GFOD2: variants seen among roughly 807,000 people sequenced by gnomAD.
The protein encoded by GFOD2 is Gfo/Idh/MocA-like oxidoreductase domain containing 2.
Under a neutral mutation model 24.6 loss-of-function variants are expected in GFOD2, and 9 were observed. That is an observed-to-expected ratio of 0.37 (90% CI 0.22 to 0.64). The LOEUF is 0.64. Among genes scored for constraint, GFOD2 ranks in the 30% least tolerant of loss-of-function variants. The probability of loss-of-function intolerance (pLI) is 0.65; values close to 1 mark genes in which losing one functional copy is unlikely to be tolerated. For synonymous variants in GFOD2, 211 were observed against 224.8 expected (o/e 0.94, Z 0.55); for missense variants, 476 against 532.5 (o/e 0.89, Z 1.04).
At chr16:67,683,794 T>G (rs1026431395) in intron 2 of GFOD2, 2 of 1,226,044 alleles carry the variant, frequency 1.6e-6, no homozygotes, top group Admixed American at 4.3e-5. Context: ...TCAGGAAGAG[T>G]GGAGGACAAC....
At chr16:67,692,154 G>T (rs577056707) in intron 1 of GFOD2, among the ~76,000 whole-genome samples, 3 of 151,510 alleles carry the variant, frequency 2.0e-5, no homozygotes, top group Non-Finnish European at 4.4e-5. Context: ...GTAAAGTGTG[G>T]GGGATATACC....
At chr16:67,691,172 A>T (rs1173783901) in intron 1 of GFOD2, among the ~76,000 whole-genome samples, 1 of 150,978 alleles carries the variant, frequency 6.6e-6, no homozygotes, top group Non-Finnish European at 1.5e-5. Context: ...CCTACCAATT[A>T]CCTTTAAAAA....
intron 1 of GFOD2, among the ~76,000 whole-genome samples, chr16:67,694,413 G>A (rs1189883026): frequency 2.6e-5 from 4 of 152,064 alleles, no homozygotes; most frequent in African/African-American, 9.7e-5. Context: ...CCAAGGTGGT[G>A]GGATTATAAG....
intron 1 of GFOD2, among the ~76,000 whole-genome samples, chr16:67,705,396 C>G (rs970324447): frequency 7.9e-5 from 12 of 152,216 alleles, no homozygotes; most frequent in African/African-American, 2.4e-4. Context: ...TCAGTAGAGA[C>G]AGGGTTTTGC....
intron 1 of GFOD2, among the ~76,000 whole-genome samples, chr16:67,697,996 T>G (rs910684681): frequency 2.6e-5 from 4 of 152,196 alleles, no homozygotes; most frequent in Admixed American, 2.6e-4. Context: ...CTTCCCTACC[T>G]GATCCTCTCT....
Position 67,675,112 on chromosome 16 carries a change from T to A in GFOD2, c.*43A>T, listed in dbSNP as rs558969157. On this transcript the variant is annotated 3_prime_UTR_variant, in exon 3 of 3. Coordinates refer to ENST00000268797, the MANE Select transcript of GFOD2 (RefSeq NM_030819.4). ...CTGTCATGTCTGGCTCCTGTTCCCCTCCCTGGTCCCTCTGCCCTGTGGCAA... is the reference window on the plus strand; with the variant it reads ...CTGTCATGTCTGGCTCCTGTTCCCCACCCTGGTCCCTCTGCCCTGTGGCAA... The A allele has an allele frequency of 9.9e-5, 155 of 1,564,452 alleles. 4 individuals are homozygous for A. In the South Asian group the frequency reaches 1.8e-3, roughly 18 times the overall value.
At chr16:67,694,252 C>T (rs2053340476) in intron 1 of GFOD2, among the ~76,000 whole-genome samples, 1 of 152,146 alleles carries the variant, frequency 6.6e-6, no homozygotes, top group Non-Finnish European at 1.5e-5. Context: ...TCGCCTGGGC[C>T]TCCAGAAGTG....
At chr16:67,691,935 C>T (rs1367549168) in intron 1 of GFOD2, among the ~76,000 whole-genome samples, 1 of 152,096 alleles carries the variant, frequency 6.6e-6, no homozygotes, top group Non-Finnish European at 1.5e-5. Context: ...GATACAGAAT[C>T]GTACAGCTGT....
At chr16:67,706,535 T>G (rs1271689758) in intron 1 of GFOD2, among the ~76,000 whole-genome samples, 3 of 152,176 alleles carry the variant, frequency 2.0e-5, no homozygotes, top group African/African-American at 7.2e-5. Flanking sequence ...TCTCTCTCAC[T>G]GTTATATGCA....
chr16:67,709,105 C>G (rs778565777), intron 1 of GFOD2, among the ~76,000 whole-genome samples: 12 of 151,964 alleles, frequency 7.9e-5, no homozygotes, highest in Non-Finnish European at 1.3e-4. Context: ...GAGTTTGAGA[C>G]CAGCCTGGGC....
intron 2 of GFOD2, chr16:67,683,157 C>T: frequency 1.1e-6 from 1 of 950,704 alleles, no homozygotes; most frequent in Non-Finnish European, 1.3e-6. Flanking sequence ...AGACGGGATC[C>T]CACTATGTTG....
intron 1 of GFOD2, among the ~76,000 whole-genome samples, chr16:67,703,350 CCGAGATAG>C (rs1345941136): frequency 6.6e-6 from 1 of 152,090 alleles, no homozygotes; most frequent in Non-Finnish European, 1.5e-5. Context: ...TTGTGGTGAG[CCGAGATAG>C]CGCCTTTGCA....
chr16:67,680,901 AAAG>A (rs1268813294), intron 2 of GFOD2: 2 of 985,446 alleles, frequency 2.0e-6, no homozygotes, highest in Non-Finnish European at 2.4e-6. Flanking sequence ...TTCTTTAATA[AAAG>A]AAGCTTTACA....
At chr16:67,676,108 T>C (rs760734196) in intron 2 of GFOD2, 55 bp from the exon 3 acceptor site, 3 of 1,493,004 alleles carry the variant, frequency 2.0e-6, no homozygotes, top group South Asian at 2.6e-5. Flanking sequence ...ATCTCCAGCA[T>C]GTCCGCCTGC....
rs558122676 is a variant in GFOD2, at chr16:67,709,903, C to T, written c.-88+9260G>A. ...TCAGCCTCCCAAAGTGTTGGGATTA[C>T]GGGCGTGAGCCACCGTGCCCAGCCA... is the stretch of plus-strand genomic sequence containing the variant. On this transcript the variant is annotated intron_variant, in intron 1 of 2. Transcript: ENST00000268797. Among the ~76,000 whole-genome samples, 41 of 151,194 alleles carry T rather than the reference C, an allele frequency of 2.7e-4. No individual in the cohort carries two copies. In the Middle Eastern group the frequency reaches 0.024, roughly 90 times the overall value.
chr16:67,693,164 A>G (rs1197259864), intron 1 of GFOD2, among the ~76,000 whole-genome samples: 1 of 152,206 alleles, frequency 6.6e-6, no homozygotes, highest in Non-Finnish European at 1.5e-5. Flanking sequence ...GGACACCATC[A>G]CAAGCTCCCT....
intron 1 of GFOD2, among the ~76,000 whole-genome samples, chr16:67,716,912 T>G (rs1648756987): frequency 6.6e-6 from 1 of 152,196 alleles, no homozygotes; most frequent in Non-Finnish European, 1.5e-5. Context: ...CTTTTTTTGT[T>G]TTTTGAAACA....
At chr16:67,695,808 T>C (rs754436761) in intron 1 of GFOD2, among the ~76,000 whole-genome samples, 1 of 152,100 alleles carries the variant, frequency 6.6e-6, no homozygotes, top group Non-Finnish European at 1.5e-5. Context: ...AGTGCTAAGA[T>C]TACAGGCATA....
rs143628552 is a variant in GFOD2 at position 67,675,845 on chromosome 16, G to T, written c.468C>A (p.Ser156Arg). ...TCCAGCCATAGCTGGGGCTCAGCAG[G>T]CTGCCTGAGTAGATGCGGGCATCAC... is the stretch of plus-strand genomic sequence containing the variant. The part of the protein sequence containing the change: ...MICDARIYSG[S>R]LLSPSYGWIC... Residue 156 changes from serine to arginine, a missense_variant, in exon 3 of 3, where the codon AGC becomes AGA. By Grantham distance (110) the Ser-to-Arg change is moderately radical. Coordinates refer to ENST00000268797, the MANE Select transcript of GFOD2 (RefSeq NM_030819.4). 15 of 1,614,084 alleles carry T rather than the reference G, an allele frequency of 9.3e-6. No homozygotes were observed. The highest frequency in any genetic ancestry group is 1.3e-5 in the African/African-American group (1 of 74,936).
Sources: gnomAD v4.1 joint callset for allele counts (sites outside exome capture counted in the v4.1 genomes callset) on GRCh38, gnomAD v4.1.1 for gene constraint, MANE v1.5 for transcripts, NCBI Gene and HGNC (gene_info 2026-07-23, HGNC 2026-07-21) for gene names.